SLC15A5: variants seen among roughly 807,000 people sequenced by gnomAD.
SLC15A5 encodes Peptide/histidine transporter ENSP00000340402.
In SLC15A5, 58 loss-of-function variants were observed where a neutral mutation model predicts 56.1. The ratio of observed to expected loss-of-function variants is 1.03; its 90% CI spans 0.84 to 1.29. The LOEUF (loss-of-function observed/expected upper bound fraction) is 1.29, where lower values mean the gene tolerates loss of function less well. Ranked by LOEUF, SLC15A5 falls within the 50% of genes most tolerant of loss-of-function variation. SLC15A5 has a pLI of 0.00. For missense variants in SLC15A5, 681 were observed against 672.1 expected (o/e 1.01, Z -0.15); for synonymous variants, 264 against 250.5 (o/e 1.05, Z -0.51).
At chr12:16,264,567 G>A (rs1391396855) in intron 2 of SLC15A5, among the ~76,000 whole-genome samples, 2 of 152,248 alleles carry the variant, frequency 1.3e-5, no homozygotes, top group East Asian at 3.9e-4. Flanking sequence ...TGAGATTTGG[G>A]AGGGGCCAGA....
intron 5 of SLC15A5, 97 bp downstream of exon 5, chr12:16,239,584 A>G: frequency 8.4e-7 from 1 of 1,186,726 alleles, no homozygotes; most frequent in Non-Finnish European, 1.1e-6. Flanking sequence ...TCAAAATCTG[A>G]CACTACTCAG....
intron 7 of SLC15A5, among the ~76,000 whole-genome samples, chr12:16,209,921 C>A (rs905193410): frequency 1.3e-5 from 2 of 152,112 alleles, no homozygotes; most frequent in African/African-American, 4.8e-5. Context: ...TCCCCAAACA[C>A]CAGTAGATCA....
chr12:16,262,709 T>A (rs2136813513), intron 2 of SLC15A5, among the ~76,000 whole-genome samples: 1 of 152,324 alleles, frequency 6.6e-6, no homozygotes, highest in East Asian at 1.9e-4. Context: ...TTCCCACATG[T>A]TGTGGGAGGG....
intron 4 of SLC15A5, among the ~76,000 whole-genome samples, chr12:16,244,139 T>C (rs1034913934): frequency 2.6e-5 from 4 of 152,146 alleles, no homozygotes; most frequent in Admixed American, 6.6e-5. Flanking sequence ...TCATTAGTAC[T>C]TATATTTAAG....
intron 4 of SLC15A5, among the ~76,000 whole-genome samples, chr12:16,240,571 A>T (rs535477877): frequency 8.5e-5 from 13 of 152,060 alleles, no homozygotes; most frequent in Non-Finnish European, 1.8e-4. Flanking sequence ...AATTTTTTTA[A>T]AAAAAAACCC....
At chr12:16,273,737 T>TTA (rs1864787314) in intron 1 of SLC15A5, among the ~76,000 whole-genome samples, 1 of 212 alleles carries the variant, frequency 4.7e-3, no homozygotes, top group East Asian at 0.056. Context: ...GTCAAATAAA[T>TTA]TTTTTTTTTT....
At chr12:16,238,576 G>C (rs1476346319) in intron 5 of SLC15A5, among the ~76,000 whole-genome samples, 1 of 146,560 alleles carries the variant, frequency 6.8e-6, no homozygotes, top group Admixed American at 7.0e-5. Flanking sequence ...GTTGTAGTGA[G>C]CCGAGATAGC....
chr12:16,272,377 T>A (rs1440059572), intron 2 of SLC15A5, among the ~76,000 whole-genome samples, 184 bp downstream of exon 2: 4 of 152,136 alleles, frequency 2.6e-5, no homozygotes, highest in Non-Finnish European at 4.4e-5. Flanking sequence ...TGGTGAGTTG[T>A]ACTGGTCTGC....
intron 5 of SLC15A5, among the ~76,000 whole-genome samples, chr12:16,232,461 A>T (rs1440984133): frequency 2.0e-5 from 3 of 152,172 alleles, no homozygotes; most frequent in Admixed American, 6.5e-5. Context: ...TAAAAATAAA[A>T]TTTTTCTAAT....
intron 5 of SLC15A5, among the ~76,000 whole-genome samples, chr12:16,233,348 G>A (rs61915929): frequency 0.03 from 4,638 of 152,124 alleles, 85 homozygotes; most frequent in Admixed American, 0.041. Flanking sequence ...AGGTACTTAC[G>A]TAACAAGAGA....
chr12:16,277,188 A>G, intron 1 of SLC15A5, 137 bp downstream of exon 1: 1 of 857,944 alleles, frequency 1.2e-6, no homozygotes, highest in Non-Finnish European at 1.7e-6. Context: ...AAAGAATGAA[A>G]TACATTGAAC....
At chr12:16,268,673 T>C (rs1158535461) in intron 2 of SLC15A5, among the ~76,000 whole-genome samples, 1 of 152,198 alleles carries the variant, frequency 6.6e-6, no homozygotes, top group Non-Finnish European at 1.5e-5. Flanking sequence ...TGCTATAAAA[T>C]TGTCAGAAAG....
intron 3 of SLC15A5, among the ~76,000 whole-genome samples, chr12:16,256,507 T>A (rs1303855541): frequency 6.6e-6 from 1 of 152,196 alleles, no homozygotes; most frequent in African/African-American, 2.4e-5. Flanking sequence ...AGGATGCAAT[T>A]CACAAAATCC....
chr12:16,222,180 C>T (rs117536841), intron 6 of SLC15A5, among the ~76,000 whole-genome samples: 1,654 of 152,222 alleles, frequency 0.011, 23 homozygotes, highest in Middle Eastern at 0.065. Flanking sequence ...ATAAAATCTT[C>T]CACTTAGTCC....
chr12:16,253,441 C>T (rs944882389), intron 3 of SLC15A5, among the ~76,000 whole-genome samples: 16 of 151,786 alleles, frequency 1.1e-4, no homozygotes, highest in African/African-American at 3.9e-4. Context: ...AAGAAAAATC[C>T]CCCCAACCTC....
chr12:16,223,347 A>T (rs1457220749), intron 6 of SLC15A5, among the ~76,000 whole-genome samples: 1 of 152,150 alleles, frequency 6.6e-6, no homozygotes, highest in Non-Finnish European at 1.5e-5. Context: ...ATATAATGGG[A>T]GCTTGAGTTA....
chr12:16,215,214 AAAAAAAAAAAAAAAAC>A (rs1418535229), intron 7 of SLC15A5, among the ~76,000 whole-genome samples: 17 of 142,120 alleles, frequency 1.2e-4, no homozygotes, highest in African/African-American at 3.1e-4. Flanking sequence ...AAAAAAAAAA[AAAAAAAAAAAAAAAAC>A]CAAAGTGAGG....
intron 2 of SLC15A5, among the ~76,000 whole-genome samples, chr12:16,259,770 G>T (rs1018303274): frequency 1.3e-4 from 20 of 152,176 alleles, no homozygotes; most frequent in African/African-American, 3.6e-4. Flanking sequence ...TAAGCTGGGG[G>T]GATGGGGAGG....
rs1864771937 is a variant in SLC15A5 at position 16,272,619 on chromosome 12, G to A, written c.526C>T (p.Leu176=). 2.1e-5 allele frequency: 33 copies of A among 1,537,028 alleles called. No individual in the cohort carries two copies. Among genetic ancestry groups the A allele is most frequent in the Non-Finnish European group, 2.9e-5 (33 of 1,146,700 alleles). ...TACTCCTGAAGGCCAAAAGCACCCA[G>A]TGGACAGACGATGGCTCTTACGCCT... ...IGGVRAIVCP[L]GAFGLQEYGS... is the part of the protein sequence containing the mutation. The change falls in exon 2 of 9, where the codon CTG becomes TTG. Residue 176 remains leucine (L), a synonymous_variant. Coordinates refer to ENST00000344941, the MANE Select transcript of SLC15A5 (RefSeq NM_001170798.1).
Sources: allele counts gnomAD v4.1 joint callset (sites outside exome capture counted in the v4.1 genomes callset), GRCh38; gene constraint gnomAD v4.1.1; transcripts MANE v1.5; gene names NCBI Gene and HGNC (gene_info 2026-07-23, HGNC 2026-07-21).